Variants in PLCZ1 observed in about 807,000 individuals in gnomAD.
PLCZ1 encodes 1-phosphatidylinositol 4,5-bisphosphate phosphodiesterase zeta-1.
Under a neutral mutation model 76.8 loss-of-function variants are expected in PLCZ1, and 64 were observed. The ratio of observed to expected loss-of-function variants is 0.83; its 90% confidence interval spans 0.68 to 1.03. The LOEUF is 1.03. Ranked by LOEUF, PLCZ1 falls within the 50% of genes least tolerant of loss-of-function variation. PLCZ1 has a pLI of 0.00. For synonymous variants in PLCZ1, 248 were observed against 230.8 expected (o/e 1.07, Z -0.68); for missense variants, 751 against 713.7 (o/e 1.05, Z -0.60).
At chr12:18,731,100 T>C (rs1431627862) in intron 3 of PLCZ1, 1 of 152,130 alleles carries the variant, frequency 6.6e-6, no homozygotes, top group African/African-American at 2.4e-5. Context: ...CTCCTCTTTG[T>C]GGTTTGTAAA....
At chr12:18,683,554 G>A (rs746646764) in intron 14 of PLCZ1, 36 of 1,486,188 alleles carry the variant, frequency 2.4e-5, no homozygotes, top group East Asian at 1.4e-4. Context: ...TTCTCCTTCC[G>A]CAAAGCGCTG....
At chr12:18,653,889 G>T in the PLCZ1 span, among the ~76,000 whole-genome samples, 2 of 152,004 alleles carry the variant, frequency 1.3e-5, no homozygotes, top group African/African-American at 2.4e-5. Context: ...TGAGATTATT[G>T]CATGCCCCAA....
intron 13 of PLCZ1, among the ~76,000 whole-genome samples, chr12:18,686,024 T>A (rs1339269751): frequency 2.0e-5 from 3 of 152,026 alleles, no homozygotes; most frequent in Non-Finnish European, 4.4e-5. Flanking sequence ...TATCCAAATG[T>A]TATCCTTTTC....
At chr12:18,726,367 T>C (rs1958752243) in intron 3 of PLCZ1, among the ~76,000 whole-genome samples, 1 of 152,278 alleles carries the variant, frequency 6.6e-6, no homozygotes, top group East Asian at 1.9e-4. Flanking sequence ...TTGCAAAGCA[T>C]TACAAAAAGC....
chr12:18,703,683 T>A (rs545115543), intron 7 of PLCZ1, among the ~76,000 whole-genome samples: 2 of 152,342 alleles, frequency 1.3e-5, no homozygotes, highest in South Asian at 4.1e-4. Flanking sequence ...TGGAAAATAC[T>A]GTAATTCTGT....
At chr12:18,676,791 G>A in the PLCZ1 span, among the ~76,000 whole-genome samples, 1 of 152,000 alleles carries the variant, frequency 6.6e-6, no homozygotes, top group African/African-American at 2.4e-5. Context: ...AAAACTAGAA[G>A]GTCAGAAGGG....
chr12:18,686,356 A>AG (rs1294482325), intron 13 of PLCZ1, among the ~76,000 whole-genome samples: 1 of 152,118 alleles, frequency 6.6e-6, no homozygotes, highest in African/African-American at 2.4e-5. Flanking sequence ...CTGACACCTT[A>AG]GCATGGCTTT....
At chr12:18,684,433 G>A (rs995156622) in intron 13 of PLCZ1, among the ~76,000 whole-genome samples, 154 bp from the exon 14 acceptor site, 3 of 152,040 alleles carry the variant, frequency 2.0e-5, no homozygotes, top group African/African-American at 7.2e-5. Context: ...CAGTGTGAGA[G>A]GAATAATAAC....
chr12:18,686,543 T>C (rs1349103573), intron 13 of PLCZ1, among the ~76,000 whole-genome samples: 1 of 151,910 alleles, frequency 6.6e-6, no homozygotes, highest in Non-Finnish European at 1.5e-5. Flanking sequence ...TAAATTGTAT[T>C]TTCTTCATAT....
chr12:18,691,010 G>A (rs1953987874), intron 12 of PLCZ1, among the ~76,000 whole-genome samples: 1 of 152,120 alleles, frequency 6.6e-6, no homozygotes, highest in Admixed American at 6.6e-5. Flanking sequence ...TAGATATGGA[G>A]GACTGAGACA....
chr12:18,660,383 C>T, the PLCZ1 span, among the ~76,000 whole-genome samples: 2 of 152,114 alleles, frequency 1.3e-5, no homozygotes, highest in Non-Finnish European at 2.9e-5. Context: ...TTTGTTGCAA[C>T]TCCTCCTTTG....
intron 9 of PLCZ1, among the ~76,000 whole-genome samples, chr12:18,700,484 TGC>T (rs1955728086): frequency 9.1e-6 from 1 of 109,354 alleles, no homozygotes; most frequent in East Asian, 3.2e-4. Flanking sequence ...TTCTGGGATG[TGC>T]GCATAACCAG....
chr12:18,669,545 A>G, the PLCZ1 span, among the ~76,000 whole-genome samples: 301 of 152,318 alleles, frequency 2.0e-3, no homozygotes, highest in Non-Finnish European at 2.3e-3. Flanking sequence ...TGGAGGCTGG[A>G]AAGTCCAATC....
Position 18,693,753 on chromosome 12 carries a change from A to C in PLCZ1, c.1461+1157T>G, listed in dbSNP as rs556071226. ...GGATTTGATTCTAGGGTAGATGTGAAAGCTATCATGGCCACAAACCAAATA... is the reference window on the plus strand; with the variant it reads ...GGATTTGATTCTAGGGTAGATGTGACAGCTATCATGGCCACAAACCAAATA... On this transcript the variant is annotated intron_variant, in intron 12 of 14. Transcript: ENST00000266505. The C allele has an allele frequency of 1.5e-5, 23 of 1,522,978 alleles. No homozygotes were observed. The East Asian group carries it at 4.7e-4, about 31-fold the overall frequency. The allele number at this position is 1,522,978 out of a possible 1,614,324, so 94.3% of individuals were successfully genotyped here.
the PLCZ1 span, among the ~76,000 whole-genome samples, chr12:18,661,963 T>C: frequency 2.6e-5 from 4 of 152,280 alleles, no homozygotes; most frequent in South Asian, 8.3e-4. Context: ...TCATATCATT[T>C]GCAGAAACAT....
the PLCZ1 span, among the ~76,000 whole-genome samples, chr12:18,662,145 G>C: frequency 2.0e-5 from 3 of 152,112 alleles, no homozygotes; most frequent in South Asian, 4.2e-4. Context: ...GTGCAAGGAG[G>C]GTGAAGATTG....
the PLCZ1 span, among the ~76,000 whole-genome samples, chr12:18,667,631 T>C: frequency 6.6e-6 from 1 of 152,190 alleles, no homozygotes; most frequent in African/African-American, 2.4e-5. Context: ...GGAAAGGAGT[T>C]AGCGTTTATT....
chr12:18,675,502 T>C, the PLCZ1 span, among the ~76,000 whole-genome samples: 3 of 152,156 alleles, frequency 2.0e-5, no homozygotes, highest in Non-Finnish European at 4.4e-5. Flanking sequence ...CATTCAACTC[T>C]GCAATTCCAC....
chr12:18,707,170 A>C (rs535642094), intron 6 of PLCZ1, among the ~76,000 whole-genome samples: 2 of 152,282 alleles, frequency 1.3e-5, no homozygotes, highest in South Asian at 4.1e-4. Context: ...ACTTAATTAC[A>C]TCTACAAAGA....
Sources: allele counts gnomAD v4.1 joint callset (sites outside exome capture counted in the v4.1 genomes callset), GRCh38; gene constraint gnomAD v4.1.1; transcripts MANE v1.5; gene names NCBI Gene and HGNC (gene_info 2026-07-23, HGNC 2026-07-21).